The following ARHGAP6 variants were observed in gnomAD, a reference collection of about 807,000 sequenced individuals.
The protein encoded by ARHGAP6 is rho GTPase-activating protein 6.
A neutral mutation model predicts 55.7 loss-of-function variants in ARHGAP6; 16 were observed. That is an observed-to-expected ratio of 0.29 (90% CI 0.19 to 0.44). ARHGAP6 has a LOEUF of 0.44. Ranked by LOEUF, ARHGAP6 falls within the 20% of genes least tolerant of loss-of-function variation. The pLI, the probability that ARHGAP6 is intolerant of heterozygous loss-of-function variation, is 1.00. For missense variants in ARHGAP6, 698 were observed against 808.9 expected (o/e 0.86, Z 1.66); for synonymous variants, 382 against 360.9 (o/e 1.06, Z -0.66).
At chrX:11,189,762 T>C (rs1339241218) in intron 3 of ARHGAP6, among the ~76,000 whole-genome samples, 2 of 112,189 alleles carry the variant, frequency 1.8e-5, no homozygotes, top group African/African-American at 6.5e-5. Flanking sequence ...CAGAAATCAA[T>C]GGCTTTATTT....
intron 4 of ARHGAP6, 76 bp from the exon 5 acceptor site, chrX:11,186,507 A>C: frequency 1.3e-6 from 1 of 748,266 alleles, no homozygotes; most frequent in Non-Finnish European, 2.0e-6. Context: ...GCTAACCAAT[A>C]CATACTTTTG....
intron 8 of ARHGAP6, among the ~76,000 whole-genome samples, chrX:11,177,566 G>A (rs1038496981): frequency 1.8e-5 from 2 of 111,364 alleles, no homozygotes; most frequent in African/African-American, 3.3e-5. Context: ...CCCTTGCATC[G>A]AGCAAGTCCC....
chrX:11,491,803 G>A (rs769067171), intron 1 of ARHGAP6, among the ~76,000 whole-genome samples: 2 of 109,782 alleles, frequency 1.8e-5, no homozygotes, highest in Non-Finnish European at 3.8e-5. Context: ...ACTTCCACAA[G>A]GGTTGAACTA....
intron 1 of ARHGAP6, among the ~76,000 whole-genome samples, chrX:11,402,402 C>G (rs768554910): frequency 1.8e-5 from 2 of 110,861 alleles, no homozygotes. Context: ...TTAAGCAAGA[C>G]TTTATATACT....
In ARHGAP6 at chrX:11,417,059, CATATATATATATATATATATATATAT is replaced by C. The variant is rs768174897; in HGVS notation, c.589-162378_589-162353del. Among the ~76,000 whole-genome samples, 137 of 33,360 alleles carry C rather than the reference CATATATATATATATATATATATATAT, an allele frequency of 4.1e-3. 6 individuals are homozygous for C. Among genetic ancestry groups the C allele is most frequent in the Middle Eastern group, 0.024 (1 of 42 alleles). The allele number at this position is 33,360 out of a possible 115,157, so 29.0% of individuals were successfully genotyped here. A position where few individuals can be genotyped will look rare whatever the true frequency, so the allele number is the denominator to read the frequency against. ...AGGATGTTCTTTATATGGGTGTGTA[CATATATATATATATATATATATATAT>C]ATATATATATATATATATATACACA... On this transcript the variant is annotated intron_variant, in intron 1 of 12. Transcript: ENST00000337414.
At chrX:11,262,089 C>A (rs1320234189) in intron 1 of ARHGAP6, among the ~76,000 whole-genome samples, 1 of 111,865 alleles carries the variant, frequency 8.9e-6, no homozygotes, top group African/African-American at 3.2e-5. Context: ...GTTTATATAT[C>A]ATGCATTACT....
chrX:11,220,427 G>A (rs1457696129), intron 2 of ARHGAP6, among the ~76,000 whole-genome samples: 37 of 111,515 alleles, frequency 3.3e-4, no homozygotes, highest in Admixed American at 2.0e-3. Context: ...GACTAACAGC[G>A]GATCTCTCGG....
intron 2 of ARHGAP6, among the ~76,000 whole-genome samples, chrX:11,206,491 A>T (rs1197609529): frequency 8.9e-6 from 1 of 112,106 alleles, no homozygotes; most frequent in Non-Finnish European, 1.9e-5. Flanking sequence ...CTGTAATCAA[A>T]GGCACTGATG....
intron 1 of ARHGAP6, among the ~76,000 whole-genome samples, chrX:11,313,208 G>A (rs1334175510): frequency 8.9e-6 from 1 of 112,050 alleles, no homozygotes; most frequent in Non-Finnish European, 1.9e-5. Context: ...CGAGTTATGT[G>A]TTCAACTGCT....
intron 8 of ARHGAP6, among the ~76,000 whole-genome samples, chrX:11,175,799 T>C (rs1250719012): frequency 2.7e-5 from 3 of 110,459 alleles, no homozygotes; most frequent in Non-Finnish European, 3.8e-5. Flanking sequence ...TGACAAAGAA[T>C]TCCTAGCTCC....
intron 1 of ARHGAP6, among the ~76,000 whole-genome samples, chrX:11,310,277 C>T (rs1178031180): frequency 9.2e-6 from 1 of 108,579 alleles, no homozygotes; most frequent in Admixed American, 9.8e-5. Context: ...AATGTGTCTC[C>T]AAATGTTAAA....
intron 10 of ARHGAP6, among the ~76,000 whole-genome samples, chrX:11,148,997 C>G (rs755975102): frequency 1.9e-4 from 21 of 112,262 alleles, no homozygotes; most frequent in Non-Finnish European, 3.2e-4. Flanking sequence ...TCTACAAAGC[C>G]TCCCTTTGAC....
At chrX:11,374,534 C>A (rs1402129819) in intron 1 of ARHGAP6, among the ~76,000 whole-genome samples, 2 of 112,152 alleles carry the variant, frequency 1.8e-5, no homozygotes, top group Non-Finnish European at 3.8e-5. Context: ...CATTTCTTCT[C>A]TTAATTCCTC....
chrX:11,358,440 T>G (rs111381631), intron 1 of ARHGAP6, among the ~76,000 whole-genome samples: 1 of 53,503 alleles, frequency 1.9e-5, no homozygotes, highest in African/African-American at 6.5e-5. Context: ...TATCTTTCTT[T>G]CTTTCTTTCT....
At position 11,168,918 on chromosome X, in the gene ARHGAP6, T is replaced by C. The variant is rs781740670; in HGVS notation, c.1809+587A>G. On this transcript the variant is annotated intron_variant, in intron 9 of 12. Coordinates refer to ENST00000337414, the MANE Select transcript of ARHGAP6 (RefSeq NM_013427.3). ...GGGCTTTCCAAAAGTGTACAGAGGA[T>C]ATGGAGAGGAGATAACAATGGTGCA... is the stretch of plus-strand genomic sequence containing the variant. 2.7e-3 allele frequency among the ~76,000 whole-genome samples: 301 copies of C among 112,011 alleles called. 1 individual carries two copies. Among genetic ancestry groups the C allele is most frequent in the Non-Finnish European group, 4.8e-3 (253 of 53,163 alleles).
intron 1 of ARHGAP6, among the ~76,000 whole-genome samples, chrX:11,651,105 G>C (rs2052578982): frequency 9.0e-6 from 1 of 111,626 alleles, no homozygotes; most frequent in African/African-American, 3.3e-5. Flanking sequence ...TCAGCAGCGG[G>C]AATCTAGAGA....
At chrX:11,351,475 T>A (rs1032177063) in intron 1 of ARHGAP6, 32 of 954,356 alleles carry the variant, frequency 3.4e-5, no homozygotes, top group Non-Finnish European at 4.1e-5. Flanking sequence ...AGAGAAGGAT[T>A]CCTCTAGGAT....
At chrX:11,647,716 A>G (rs2052544648) in intron 1 of ARHGAP6, among the ~76,000 whole-genome samples, 1 of 112,292 alleles carries the variant, frequency 8.9e-6, no homozygotes, top group African/African-American at 3.2e-5. Context: ...AAGCATCATC[A>G]ATAAAAGAAA....
intron 1 of ARHGAP6, among the ~76,000 whole-genome samples, chrX:11,622,895 A>G (rs1360640001): frequency 8.9e-6 from 1 of 111,988 alleles, no homozygotes; most frequent in African/African-American, 3.2e-5. Flanking sequence ...ACAAAAATAT[A>G]GTAATTATCA....
Sources: gnomAD v4.1 joint callset for allele counts (sites outside exome capture counted in the v4.1 genomes callset) on GRCh38, gnomAD v4.1.1 for gene constraint, MANE v1.5 for transcripts, NCBI Gene and HGNC (gene_info 2026-07-23, HGNC 2026-07-21) for gene names.